Variants in TEX14 observed in about 807,000 individuals in gnomAD.
TEX14 encodes the protein testis expressed 14, intercellular bridge forming factor, also known as inactive serine/threonine-protein kinase TEX14.
A neutral mutation model predicts 178.6 loss-of-function variants in TEX14; 168 were observed. The ratio of observed to expected loss-of-function variants is 0.94; its 90% CI spans 0.83 to 1.07. The LOEUF (loss-of-function observed/expected upper bound fraction) is 1.07. Among genes scored for constraint, TEX14 ranks in the 50% least tolerant of loss-of-function variants. The pLI is 0.00. For missense variants in TEX14, 1,730 were observed against 1,753.6 expected (o/e 0.99, Z 0.24); for synonymous variants, 626 against 634.1 (o/e 0.99, Z 0.19).
At chr17:58,558,526 C>CA (rs1359321883) in intron 30 of TEX14, among the ~76,000 whole-genome samples, 1 of 152,074 alleles carries the variant, frequency 6.6e-6, no homozygotes, top group African/African-American at 2.4e-5. Flanking sequence ...ACAGGAAGCC[C>CA]AGGAGATGCA....
At chr17:58,598,546 A>T (rs2045348587) in intron 14 of TEX14, among the ~76,000 whole-genome samples, 1 of 152,204 alleles carries the variant, frequency 6.6e-6, no homozygotes, top group Admixed American at 6.6e-5. Context: ...ACAGAGAAGG[A>T]CAATGGGCTG....
At chr17:58,645,283 C>T (rs1358446907) in intron 2 of TEX14, among the ~76,000 whole-genome samples, 2 of 151,842 alleles carry the variant, frequency 1.3e-5, no homozygotes, top group Non-Finnish European at 2.9e-5. Flanking sequence ...CCACCATGCC[C>T]AGCCTATATT....
At chr17:58,683,689 G>C (rs537316837) in intron 1 of TEX14, among the ~76,000 whole-genome samples, 1 of 143,530 alleles carries the variant, frequency 7.0e-6, no homozygotes, top group African/African-American at 2.6e-5. Flanking sequence ...CTTGAACCCG[G>C]AAGGCGGGGT....
At chr17:58,631,805 A>C (rs981650945) in intron 2 of TEX14, 2 of 151,932 alleles carry the variant, frequency 1.3e-5, no homozygotes, top group Admixed American at 6.6e-5. Context: ...CGAGAAACAC[A>C]CTATAGAAAT....
At chr17:58,632,357 G>A (rs563281946) in intron 2 of TEX14, among the ~76,000 whole-genome samples, 1 of 152,254 alleles carries the variant, frequency 6.6e-6, no homozygotes, top group South Asian at 2.1e-4. Flanking sequence ...TATTCTACAT[G>A]GCATTGCTGT....
intron 1 of TEX14, among the ~76,000 whole-genome samples, chr17:58,691,333 G>T (rs1369299478): frequency 6.6e-6 from 1 of 151,974 alleles, no homozygotes; most frequent in Non-Finnish European, 1.5e-5. Context: ...GCAATATTTA[G>T]AAAGTTCTTC....
At chr17:58,592,484 G>A (rs934610278) in intron 15 of TEX14, among the ~76,000 whole-genome samples, 9 of 151,922 alleles carry the variant, frequency 5.9e-5, no homozygotes, top group South Asian at 2.1e-4. Context: ...ATAGGCGCCC[G>A]CCACCACGCC....
intron 1 of TEX14, among the ~76,000 whole-genome samples, chr17:58,656,430 GCA>G: frequency 6.6e-6 from 1 of 151,072 alleles, no homozygotes; most frequent in African/African-American, 2.4e-5. Context: ...GGGCAACAGA[GCA>G]AGACTCTGTC....
chr17:58,646,100 G>A (rs529577020), intron 2 of TEX14, among the ~76,000 whole-genome samples: 1 of 152,122 alleles, frequency 6.6e-6, no homozygotes, highest in Non-Finnish European at 1.5e-5. Flanking sequence ...CCACAAATGT[G>A]GAACCCACAG....
rs866116361 is a variant in TEX14, at chr17:58,674,913, G to A, written c.-2+17026C>T. ...TAATCCCAGCACTGTGGGAGGCTGA[G>A]GGGGGGTGCATCACTTGAAGCCAGG... On this transcript the variant is annotated intron_variant, in intron 1 of 31. Coordinates refer to ENST00000349033, the MANE Select transcript of TEX14 (RefSeq NM_031272.5). Among the ~76,000 whole-genome samples the A allele has an allele frequency of 1.3e-4, 20 of 150,846 alleles. No individual in the cohort carries two copies. The Admixed American group carries it at 1.3e-3, about 10-fold the overall frequency.
At chr17:58,659,251 C>A (rs117643324) in intron 1 of TEX14, 14 of 694,796 alleles carry the variant, frequency 2.0e-5, no homozygotes, top group Non-Finnish European at 2.4e-5. Flanking sequence ...AAACCCTCCC[C>A]CAAGAAAAAC....
At chr17:58,653,508 G>T (rs2046882073) in intron 1 of TEX14, among the ~76,000 whole-genome samples, 1 of 152,130 alleles carries the variant, frequency 6.6e-6, no homozygotes, top group African/African-American at 2.4e-5. Flanking sequence ...TTTAAGATGT[G>T]TTTAGGTCAC....
intron 2 of TEX14, among the ~76,000 whole-genome samples, chr17:58,644,589 C>T (rs975700235): frequency 2.0e-5 from 3 of 150,592 alleles, no homozygotes; most frequent in African/African-American, 4.9e-5. Context: ...ATCCACCCAC[C>T]TCGGCCTCTC....
intron 30 of TEX14, among the ~76,000 whole-genome samples, chr17:58,559,170 A>T (rs545401322): frequency 2.0e-5 from 3 of 152,250 alleles, no homozygotes; most frequent in African/African-American, 7.2e-5. Flanking sequence ...AACTGTCTAA[A>T]AAAAAAAGAA....
At position 58,569,540 on chromosome 17, in the gene TEX14, G is replaced by A. The variant is rs951086094; in HGVS notation, c.3818-280C>T. On this transcript the variant is annotated intron_variant, in intron 25 of 31. Coordinates refer to ENST00000349033, the MANE Select transcript of TEX14 (RefSeq NM_031272.5). This position sits in a 1 kb window ranked among gnomAD's most constrained non-coding sequence, Gnocchi z 4.1. Reference sequence around the variant, plus strand: ...CCCTCCCTTCCTAAGGATATTTGGAGGAGGTAAGGTACAAATTCTTACTAA... The same window carrying A: ...CCCTCCCTTCCTAAGGATATTTGGAAGAGGTAAGGTACAAATTCTTACTAA... Among the ~76,000 whole-genome samples the A allele has an allele frequency of 2.6e-5, 4 of 152,150 alleles. No homozygotes were observed. The highest frequency in any genetic ancestry group is 9.7e-5 in the African/African-American group (4 of 41,436).
chr17:58,573,393 T>A, intron 22 of TEX14, 85 bp from the exon 23 acceptor site: 1 of 1,375,756 alleles, frequency 7.3e-7, no homozygotes. Flanking sequence ...TTTTTAAGTA[T>A]AATCTTAACA....
At chr17:58,598,190 T>G (rs1432271510) in intron 14 of TEX14, among the ~76,000 whole-genome samples, 1 of 151,900 alleles carries the variant, frequency 6.6e-6, no homozygotes, top group Non-Finnish European at 1.5e-5. Flanking sequence ...GGCGCATGAC[T>G]GTAATCCCAC....
chr17:58,684,630 CAAATAAATAAATAAATAAAT>C lies in TEX14; in HGVS notation c.-2+7289_-2+7308del, dbSNP rs3031764. On this transcript the variant is annotated intron_variant, in intron 1 of 31. Transcript: ENST00000349033. Reference sequence around the variant, plus strand: ...CCTGGGCGACAGTGAGACCCTGTCTCAAATAAATAAATAAATAAATAAATAAATAAATAAATAAATAAATA... The same window carrying C: ...CCTGGGCGACAGTGAGACCCTGTCTCAAATAAATAAATAAATAAATAAATA... 3.8e-3 allele frequency among the ~76,000 whole-genome samples: 529 copies of C among 140,434 alleles called. 3 individuals carry two copies. Among genetic ancestry groups the C allele is most frequent in the Non-Finnish European group, 4.2e-3 (277 of 65,574 alleles). The allele number at this position is 140,434 out of a possible 152,430, so 92.1% of individuals were successfully genotyped here. A position where few individuals can be genotyped will look rare whatever the true frequency, so the allele number is the denominator to read the frequency against.
chr17:58,642,451 G>A (rs1038101349), intron 2 of TEX14, among the ~76,000 whole-genome samples: 29 of 152,258 alleles, frequency 1.9e-4, no homozygotes, highest in Non-Finnish European at 3.4e-4. Flanking sequence ...AAGGGACAGC[G>A]TTGGGGCAAT....
Sources: allele counts gnomAD v4.1 joint callset (sites outside exome capture counted in the v4.1 genomes callset), GRCh38; gene constraint gnomAD v4.1.1; non-coding constraint Gnocchi (gnomAD v3.1); transcripts MANE v1.5; gene names NCBI Gene and HGNC (gene_info 2026-07-23, HGNC 2026-07-21).